The following TYW1 variants were observed in gnomAD, a reference collection of about 807,000 sequenced individuals.
TYW1 encodes tRNA-yW synthesizing protein 1 homolog.
TYW1 carries 46 observed loss-of-function variants against 96.2 expected under a neutral mutation model. The observed-to-expected ratio is 0.48, with a 90% CI of 0.38 to 0.61. TYW1 has a LOEUF of 0.61. Ranked by LOEUF, TYW1 falls within the 20% of genes least tolerant of loss-of-function variation. TYW1 has a pLI of 0.00. For synonymous variants in TYW1, 274 were observed against 323.0 expected (o/e 0.85, Z 1.63); for missense variants, 684 against 909.6 (o/e 0.75, Z 3.19).
intron 3 of TYW1, among the ~76,000 whole-genome samples, chr7:67,006,556 C>T (rs1439354568): frequency 6.6e-6 from 1 of 150,918 alleles, no homozygotes; most frequent in Admixed American, 6.6e-5. Flanking sequence ...CCTTCCACCT[C>T]AGCCTCCCAA....
At chr7:67,160,595 A>AT (rs1416554306) in intron 13 of TYW1, among the ~76,000 whole-genome samples, 1 of 142,626 alleles carries the variant, frequency 7.0e-6, no homozygotes, top group African/African-American at 2.8e-5. Flanking sequence ...TATTTTTAAA[A>AT]TTTTTCACTT....
intron 14 of TYW1, among the ~76,000 whole-genome samples, chr7:67,191,703 G>A (rs1016983587): frequency 4.0e-5 from 6 of 150,714 alleles, no homozygotes; most frequent in Admixed American, 2.7e-4. Flanking sequence ...GCAGCAGAGA[G>A]AAAACCAGAC....
At chr7:67,152,116 G>A (rs1239226662) in intron 13 of TYW1, among the ~76,000 whole-genome samples, 1 of 152,124 alleles carries the variant, frequency 6.6e-6, no homozygotes, top group Admixed American at 6.6e-5. Context: ...TGGTCACCAT[G>A]ATTCTTGTTT....
intron 13 of TYW1, among the ~76,000 whole-genome samples, chr7:67,162,171 G>A (rs561710922): frequency 1.1e-3 from 160 of 151,966 alleles, no homozygotes; most frequent in Non-Finnish European, 1.8e-3. Context: ...AAAATTGGCC[G>A]GGCGTGGTGG....
chr7:67,237,011 G>C, intron 15 of TYW1, among the ~76,000 whole-genome samples: 1 of 151,924 alleles, frequency 6.6e-6, no homozygotes, highest in East Asian at 2.0e-4. Context: ...TCAGCCTCCC[G>C]AGTAGCTGGG....
chr7:67,005,838 T>A (rs1468103334), intron 3 of TYW1, among the ~76,000 whole-genome samples: 1 of 152,164 alleles, frequency 6.6e-6, no homozygotes, highest in African/African-American at 2.4e-5. Flanking sequence ...CCAGAGATCC[T>A]ACACGTGTGG....
chr7:67,045,886 T>C (rs1339278932), intron 7 of TYW1, among the ~76,000 whole-genome samples: 4 of 152,160 alleles, frequency 2.6e-5, no homozygotes, highest in East Asian at 1.9e-4. Flanking sequence ...AGAACAGTTA[T>C]GTTGGGAAAT....
At chr7:67,111,290 G>A (rs1448078059) in intron 12 of TYW1, among the ~76,000 whole-genome samples, 6 of 151,644 alleles carry the variant, frequency 4.0e-5, no homozygotes, top group East Asian at 1.9e-4. Context: ...TGCAACCTCC[G>A]CCTCCCGGGT....
intron 7 of TYW1, among the ~76,000 whole-genome samples, chr7:67,029,382 CGTGTGTGTGTGT>C (rs67162571): frequency 7.5e-4 from 80 of 106,588 alleles, no homozygotes; most frequent in African/African-American, 1.3e-3. Context: ...TGTGTGTGTG[CGTGTGTGTGTGT>C]GTGTGTGTGT....
intron 10 of TYW1, among the ~76,000 whole-genome samples, chr7:67,072,814 C>T (rs76985877): frequency 0.04 from 6,085 of 152,094 alleles, 179 homozygotes; most frequent in Middle Eastern, 0.1. Context: ...GTCACCTAGG[C>T]TGGAGTACAG....
intron 15 of TYW1, among the ~76,000 whole-genome samples, chr7:67,212,405 G>A (rs1801064247): frequency 6.6e-6 from 1 of 151,962 alleles, no homozygotes; most frequent in Admixed American, 6.6e-5. Context: ...ACCTATTGAA[G>A]GACATCTTGG....
At chr7:67,035,777 A>G (rs1356122511) in intron 7 of TYW1, among the ~76,000 whole-genome samples, 1 of 152,150 alleles carries the variant, frequency 6.6e-6, no homozygotes, top group Non-Finnish European at 1.5e-5. Context: ...TTCCAGGTTC[A>G]AGCGATTCTC....
intron 13 of TYW1, among the ~76,000 whole-genome samples, chr7:67,124,234 C>T (rs1032569442): frequency 2.6e-5 from 4 of 152,102 alleles, no homozygotes; most frequent in Non-Finnish European, 4.4e-5. Context: ...TCATGTTGTA[C>T]ATATTTTTGC....
intron 4 of TYW1, among the ~76,000 whole-genome samples, chr7:67,010,120 T>G (rs562755868): frequency 6.6e-6 from 1 of 151,810 alleles, no homozygotes; most frequent in Non-Finnish European, 1.5e-5. Flanking sequence ...TAGCTGGGAT[T>G]TACAGGCATG....
chr7:67,178,261 G>C (rs542296787), intron 13 of TYW1, among the ~76,000 whole-genome samples: 1 of 152,262 alleles, frequency 6.6e-6, no homozygotes, highest in South Asian at 2.1e-4. Flanking sequence ...AAAGTAGAGG[G>C]TTAAAATCGT....
At chr7:67,100,453 G>T (rs966306297) in intron 12 of TYW1, among the ~76,000 whole-genome samples, 1 of 151,248 alleles carries the variant, frequency 6.6e-6, no homozygotes, top group Non-Finnish European at 1.5e-5. Flanking sequence ...AAGGTGCTCA[G>T]TACATGGGTA....
At chr7:67,001,962 AGGT>A (rs1201787673) in intron 3 of TYW1, among the ~76,000 whole-genome samples, 1 of 151,008 alleles carries the variant, frequency 6.6e-6, no homozygotes, top group Non-Finnish European at 1.5e-5. Flanking sequence ...TGAATCTGGG[AGGT>A]GGAGGTTGCA....
At chr7:67,124,958 C>T (rs1361437209) in intron 13 of TYW1, among the ~76,000 whole-genome samples, 1 of 152,144 alleles carries the variant, frequency 6.6e-6, no homozygotes, top group Non-Finnish European at 1.5e-5. Context: ...CCTCAGCTCC[C>T]AAGTAGCTGG....
chr7:67,127,283 C>G (rs1206358472), intron 13 of TYW1, among the ~76,000 whole-genome samples: 2 of 151,902 alleles, frequency 1.3e-5, no homozygotes, highest in South Asian at 2.1e-4. Context: ...CTCAGCCTCC[C>G]AAGTAGCAGG....
Sources: allele counts gnomAD v4.1 joint callset (sites outside exome capture counted in the v4.1 genomes callset), GRCh38; gene constraint gnomAD v4.1.1; transcripts MANE v1.5; gene names NCBI Gene and HGNC (gene_info 2026-07-23, HGNC 2026-07-21).